TYW1B: variants seen among roughly 807,000 people sequenced by gnomAD.
The protein encoded by TYW1B is S-adenosyl-L-methionine-dependent tRNA 4-demethylwyosine synthase TYW1B.
Under a neutral mutation model 86.9 loss-of-function variants are expected in TYW1B, and 73 were observed. The ratio of observed to expected loss-of-function variants is 0.84; its 90% CI spans 0.70 to 1.02. The LOEUF is 1.02. Ranked by LOEUF, TYW1B falls within the 50% of genes least tolerant of loss-of-function variation. The pLI is 0.00. For synonymous variants in TYW1B, 248 were observed against 292.8 expected, an observed-to-expected ratio of 0.85 and a Z score of 1.56; for missense variants, 637 against 827.4, an observed-to-expected ratio of 0.77 and a Z score of 2.82.
intron 10 of TYW1B, among the ~76,000 whole-genome samples, chr7:72,702,999 TA>T: frequency 6.1e-5 from 1 of 16,278 alleles, no homozygotes; most frequent in Middle Eastern, 0.023. Flanking sequence ...TATATATATA[TA>T]TATATATATA....
intron 12 of TYW1B, among the ~76,000 whole-genome samples, chr7:72,621,068 A>T (rs1585854016): frequency 6.6e-6 from 1 of 152,202 alleles, no homozygotes; most frequent in East Asian, 1.9e-4. Flanking sequence ...TTCAAACCTC[A>T]TGCTGAAATG....
At chr7:72,727,448 T>C (rs185056588) in intron 9 of TYW1B, among the ~76,000 whole-genome samples, 2 of 152,306 alleles carry the variant, frequency 1.3e-5, no homozygotes, top group Admixed American at 6.5e-5. Flanking sequence ...TGTTGCTTTA[T>C]GAAGCCATCA....
intron 11 of TYW1B, among the ~76,000 whole-genome samples, chr7:72,679,900 C>G (rs1398712774): frequency 3.0e-5 from 4 of 132,240 alleles, no homozygotes; most frequent in Non-Finnish European, 4.9e-5. Context: ...GAGGCCAAAG[C>G]GAGAGGATCA....
intron 9 of TYW1B, among the ~76,000 whole-genome samples, chr7:72,720,969 A>G (rs535442987): frequency 5.0e-5 from 7 of 140,762 alleles, no homozygotes; most frequent in Admixed American, 2.4e-4. Flanking sequence ...TCATTGTTCA[A>G]TTCCCACCTA....
chr7:72,667,522 T>G (rs1813495467), intron 11 of TYW1B, among the ~76,000 whole-genome samples: 1 of 152,212 alleles, frequency 6.6e-6, no homozygotes, highest in East Asian at 1.9e-4. Context: ...TAGAAGAGGC[T>G]GGGCAACACG....
intron 10 of TYW1B, among the ~76,000 whole-genome samples, chr7:72,699,686 G>A (rs565988992): frequency 3.5e-4 from 52 of 150,390 alleles, no homozygotes; most frequent in African/African-American, 1.2e-3. Context: ...GTCTTGCTCT[G>A]TCACCCAGGC....
At chr7:72,686,702 A>G (rs1235627516) in intron 11 of TYW1B, among the ~76,000 whole-genome samples, 1 of 152,188 alleles carries the variant, frequency 6.6e-6, no homozygotes, top group Non-Finnish European at 1.5e-5. Flanking sequence ...TAAAATACAG[A>G]CTGTGGCTGA....
chr7:72,744,878 C>T (rs1230806327), intron 7 of TYW1B, among the ~76,000 whole-genome samples: 2 of 152,146 alleles, frequency 1.3e-5, no homozygotes, highest in Non-Finnish European at 2.9e-5. Context: ...CATCAGACTC[C>T]TTCAAATAAT....
intron 11 of TYW1B, among the ~76,000 whole-genome samples, chr7:72,640,219 G>A (rs1377817618): frequency 6.6e-6 from 1 of 151,934 alleles, no homozygotes; most frequent in Non-Finnish European, 1.5e-5. Context: ...ATAATTAGAT[G>A]CTAAATTTAA....
In TYW1B at chr7:72,807,166, C is replaced by T. The variant is rs367840847; in HGVS notation, c.623G>A (p.Gly208Asp). 1 of 1,613,930 alleles carries T rather than the reference C, an allele frequency of 6.2e-7. No individual in the cohort carries two copies. Among genetic ancestry groups the T allele is most frequent in the Non-Finnish European group, 8.5e-7 (1 of 1,179,936 alleles). Residue 208 changes from glycine (G) to aspartate (D), a missense_variant, in exon 5 of 14, where the codon GGC becomes GAC. Transcript: ENST00000620995. Reference protein sequence around the residue: ...QKGERKKSCGGHCKKGKCESH... With the variant: ...QKGERKKSCGDHCKKGKCESH... ...TTCACATTTGCCTTTCTTGCAGTGG[C>T]CGCCACAGGACTTCTTTCTCTCCCC...
At chr7:72,766,771 A>G (rs1787778908) in intron 7 of TYW1B, among the ~76,000 whole-genome samples, 1 of 151,806 alleles carries the variant, frequency 6.6e-6, no homozygotes, top group African/African-American at 2.4e-5. Context: ...TACTAAAAAT[A>G]CAAAAATTAC....
chr7:72,785,440 G>A (rs1585981940), intron 6 of TYW1B, among the ~76,000 whole-genome samples: 1 of 146,078 alleles, frequency 6.8e-6, no homozygotes, highest in Non-Finnish European at 1.5e-5. Context: ...AATATAATTA[G>A]AATTAGAATA....
At chr7:72,741,974 A>T (rs1787312103) in intron 8 of TYW1B, among the ~76,000 whole-genome samples, 1 of 152,206 alleles carries the variant, frequency 6.6e-6, no homozygotes, top group African/African-American at 2.4e-5. Context: ...CTGCCCTACG[A>T]TAAATGCTAA....
intron 2 of TYW1B, among the ~76,000 whole-genome samples, chr7:72,818,430 AT>A (rs1273039819): frequency 1.3e-5 from 2 of 149,948 alleles, no homozygotes; most frequent in Non-Finnish European, 2.9e-5. Flanking sequence ...AATACAAAAA[AT>A]TAGCTGGGTG....
intron 10 of TYW1B, among the ~76,000 whole-genome samples, chr7:72,706,490 C>T (rs1416109194): frequency 1.3e-5 from 2 of 150,200 alleles, no homozygotes; most frequent in Admixed American, 1.3e-4. Flanking sequence ...TCTTTGTGTA[C>T]CAAAATGGAG....
intron 9 of TYW1B, among the ~76,000 whole-genome samples, chr7:72,715,014 C>T (rs1281851039): frequency 1.3e-5 from 2 of 152,188 alleles, no homozygotes; most frequent in East Asian, 3.8e-4. Context: ...GTTAAAGCTT[C>T]TCAGATGGTT....
At chr7:72,791,385 G>A (rs142717673) in intron 6 of TYW1B, among the ~76,000 whole-genome samples, 55 of 145,768 alleles carry the variant, frequency 3.8e-4, no homozygotes, top group African/African-American at 1.3e-3. Flanking sequence ...AATGCAGCGC[G>A]ACAGCATTAA....
chr7:72,751,029 T>G lies in TYW1B; in HGVS notation c.965-6428A>C, dbSNP rs1411068754. 2.8e-5 allele frequency among the ~76,000 whole-genome samples: 4 copies of G among 140,538 alleles called. No individual in the cohort carries two copies. In the East Asian group the frequency reaches 8.0e-4, roughly 28 times the overall value. The allele number at this position is 140,538 out of a possible 152,430, so 92.2% of individuals were successfully genotyped here. On this transcript the variant is annotated intron_variant, in intron 7 of 13. Coordinates refer to ENST00000620995, the MANE Select transcript of TYW1B (RefSeq NM_001145440.3). ...CTACTTTTGTCTATGTTGTTCAGAT[T>G]GGGTAAATTCCCTTTTTTTTTTTTT...
At chr7:72,672,456 T>C (rs1813628192) in intron 11 of TYW1B, among the ~76,000 whole-genome samples, 1 of 114,706 alleles carries the variant, frequency 8.7e-6, no homozygotes, top group East Asian at 3.0e-4. Context: ...CTGAATTTAT[T>C]TGGGCATACA....
Sources: allele counts gnomAD v4.1 joint callset (sites outside exome capture counted in the v4.1 genomes callset), GRCh38; gene constraint gnomAD v4.1.1; transcripts MANE v1.5; gene names NCBI Gene and HGNC (gene_info 2026-07-23, HGNC 2026-07-21).